Variants in MYO15A observed in about 807,000 individuals in gnomAD.
MYO15A encodes unconventional myosin-XV.
In MYO15A, 308 loss-of-function variants were observed where a neutral mutation model predicts 394.6. The observed-to-expected ratio is 0.78, with a 90% CI of 0.71 to 0.86. The LOEUF (loss-of-function observed/expected upper bound fraction) is 0.86, where lower values mean the gene tolerates loss of function less well. Ranked by LOEUF, MYO15A falls within the 40% of genes least tolerant of loss-of-function variation. MYO15A has a pLI of 0.00. For missense variants in MYO15A, 4,606 were observed against 4,799.1 expected, an observed-to-expected ratio of 0.96 and a Z score of 1.19; for synonymous variants, 1,957 against 2,003.8, an observed-to-expected ratio of 0.98 and a Z score of 0.62.
intron 50 of MYO15A, 198 bp from the exon 51 acceptor site, chr17:18,157,523 CT>C: frequency 8.5e-7 from 1 of 1,180,794 alleles, no homozygotes; most frequent in Non-Finnish European, 1.2e-6. Flanking sequence ...TTCACTTCCC[CT>C]TTATGGTCCT....
chr17:18,123,051 C>G (rs1190794199), intron 2 of MYO15A: 1 of 152,572 alleles, frequency 6.6e-6, no homozygotes, highest in African/African-American at 2.4e-5. Flanking sequence ...CGGATGGGTG[C>G]CCAGCCCATG....
At position 18,161,220 on chromosome 17, in the gene MYO15A, C is replaced by T. The variant is rs776245687; in HGVS notation, c.9387-97C>T. 5 of 1,509,398 alleles carry T rather than the reference C, an allele frequency of 3.3e-6. No homozygotes were observed. In the Admixed American group the frequency reaches 5.7e-5, roughly 17 times the overall value. 93.5% of individuals were successfully genotyped at this position (1,509,398 alleles called of 1,614,324 possible). ...GGCATCCTCAGGGGACAGGAGCTGCCTGAGAGTTGGAATCTGTCTCAGCTC... is the reference window on the plus strand; with the variant it reads ...GGCATCCTCAGGGGACAGGAGCTGCTTGAGAGTTGGAATCTGTCTCAGCTC... On this transcript the variant is annotated intron_variant, in intron 56 of 65. Transcript: ENST00000647165.
At chr17:18,126,320 A>G (rs755192002) in intron 4 of MYO15A, 27 bp from the exon 5 acceptor site, 1 of 1,600,094 alleles carries the variant, frequency 6.2e-7, no homozygotes, top group Admixed American at 1.7e-5. Context: ...AGGAGCCACG[A>G]CGCTGAGGCC....
In MYO15A at chr17:18,159,266, C is replaced by A. The variant is rs886052682; in HGVS notation, c.9157-9C>A. 6.2e-7 allele frequency: 1 copy of A among 1,614,036 alleles called. No individual in the cohort carries two copies. The highest frequency in any genetic ancestry group is 8.5e-7 in the Non-Finnish European group (1 of 1,179,900). ...TCCTCCATCATGACACAGCCCTCTT[C>A]CCCCACAGACTCCCCTCCAGGAATC... On this transcript the variant is annotated splice_polypyrimidine_tract_variant and intron_variant, in intron 53 of 65. Transcript: ENST00000647165.
chr17:18,126,932 G>C, intron 6 of MYO15A, 67 bp downstream of exon 6: 1 of 1,603,482 alleles, frequency 6.2e-7, no homozygotes, highest in Non-Finnish European at 8.5e-7. Context: ...CATCTGGCCA[G>C]AACTGCTGTG....
Position 18,155,389 on chromosome 17 carries a change from G to T in MYO15A, c.8416G>T (p.Gly2806Cys). Residue 2806 changes from glycine (G) to cysteine (C), a missense_variant, in exon 47 of 66, where the codon GGC becomes TGC. Around this residue, in one of 2 missense-constraint regions of MYO15A, gnomAD observed 2,776 missense variants for 3,109.3 expected, o/e 0.89. Coordinates refer to ENST00000647165, the MANE Select transcript of MYO15A (RefSeq NM_016239.4). ...GIKLLRMVKG[G>C]QEAGGQLRVL... ...CAAACTCCTGAGGATGGTCAAGGGTGGCCAGGAGGCCGGCGGGCAGCTGCG... is the reference window on the plus strand; with the variant it reads ...CAAACTCCTGAGGATGGTCAAGGGTTGCCAGGAGGCCGGCGGGCAGCTGCG... 6.2e-7 allele frequency: 1 copy of T among 1,613,664 alleles called. No homozygotes were observed. Among genetic ancestry groups the T allele is most frequent in the Non-Finnish European group, 8.5e-7 (1 of 1,180,022 alleles).
chr17:18,140,824 C>G lies in MYO15A; in HGVS notation c.5398C>G (p.His1800Asp). The change falls in exon 21 of 66, where the codon CAC becomes GAC. Residue 1800 changes from histidine to aspartate, a missense_variant. Around this residue, in one of 2 missense-constraint regions of MYO15A, gnomAD observed 2,776 missense variants for 3,109.3 expected, o/e 0.89. Coordinates refer to ENST00000647165, the MANE Select transcript of MYO15A (RefSeq NM_016239.4). ...GTTCATGCGTTGCCTGAAGCCCAAC[C>G]ACAAGAAGGTGAGTGAGAGCTGAGG... Reference protein sequence around the residue: ...PLFMRCLKPNHKKEPGLFEPD... With the variant: ...PLFMRCLKPNDKKEPGLFEPD... 6.2e-7 allele frequency: 1 copy of G among 1,614,128 alleles called. No individual in the cohort carries two copies. The highest frequency in any genetic ancestry group is 8.5e-7 in the Non-Finnish European group (1 of 1,180,044).
At chr17:18,131,559 G>A in intron 10 of MYO15A, 28 bp downstream of exon 10, 1 of 1,613,484 alleles carries the variant, frequency 6.2e-7, no homozygotes, top group Non-Finnish European at 8.5e-7. Context: ...AGGCCTCTGT[G>A]TTGGGCAGGG....
In MYO15A at chr17:18,153,606, G is replaced by A. The variant is rs977001131; in HGVS notation, c.7967-169G>A. On this transcript the variant is annotated intron_variant, in intron 42 of 65. Transcript: ENST00000647165. This position sits in a 1 kb window ranked among gnomAD's most constrained non-coding sequence, Gnocchi z 4.1. ...CCAGCTACTCAGGAGGCTGAGGCAG[G>A]AGAATCGCTTGAACCCAGGAGGCGG... is the stretch of plus-strand genomic sequence containing the variant. 3.6e-6 allele frequency: 2 copies of A among 549,424 alleles called. No homozygotes were observed. Among genetic ancestry groups the A allele is most frequent in the East Asian group, 1.3e-4 (2 of 15,098 alleles). The allele number at this position is 549,424 out of a possible 1,614,324, so 34.0% of individuals were successfully genotyped here.
At chr17:18,151,979 A>T (rs1233628819) in intron 41 of MYO15A, 28 bp downstream of exon 41, 1 of 1,549,152 alleles carries the variant, frequency 6.5e-7, no homozygotes, top group Non-Finnish European at 8.7e-7. Context: ...GGCTGAGCCC[A>T]GGTGGAACAG....
intron 53 of MYO15A, 37 bp from the exon 54 acceptor site, chr17:18,159,238 C>T (rs771649310): frequency 1.2e-6 from 2 of 1,609,566 alleles, no homozygotes. Flanking sequence ...TCTGACGTGT[C>T]CCTCCTCCAT....
chr17:18,143,228 A>G (rs2046413789), intron 25 of MYO15A, among the ~76,000 whole-genome samples: 1 of 152,238 alleles, frequency 6.6e-6, no homozygotes, highest in African/African-American at 2.4e-5. Context: ...ATGAAGCAGT[A>G]GGTAGCCTTT....
intron 64 of MYO15A, 163 bp from the exon 65 acceptor site, chr17:18,173,618 G>C (rs963565329): frequency 2.7e-5 from 23 of 857,696 alleles, no homozygotes; most frequent in Non-Finnish European, 4.5e-5. Context: ...GGTCCAGAGA[G>C]GTAAAGTGAT....
chr17:18,150,496 G>T lies in MYO15A; in HGVS notation c.7280G>T (p.Ser2427Ile). 1 of 1,614,204 alleles carries T rather than the reference G, an allele frequency of 6.2e-7. No homozygotes were observed. The highest frequency in any genetic ancestry group is 1.1e-5 in the South Asian group (1 of 91,090). ...KGGGQPGGGSSSGTEDTPRRP... is the reference protein window; with the variant it reads ...KGGGQPGGGSISGTEDTPRRP... ...GGAGGCCAGCCCGGTGGAGGCAGCA[G>T]TAGTGGTACTGAAGACACCCCCAGG... Residue 2427 changes from serine to isoleucine, a missense_variant, in exon 36 of 66, where the codon AGT (serine) becomes ATT (isoleucine). By Grantham distance (142) the Ser-to-Ile change is moderately radical (BLOSUM62 -2). Around this residue, in one of 2 missense-constraint regions of MYO15A, gnomAD observed 2,776 missense variants for 3,109.3 expected, o/e 0.89. Coordinates refer to ENST00000647165, the MANE Select transcript of MYO15A (RefSeq NM_016239.4). The surrounding 1 kb of genome is among the most constrained non-coding windows in gnomAD (Gnocchi z 4.4).
chr17:18,169,430 A>G (rs2046907568), intron 62 of MYO15A: 1 of 150,688 alleles, frequency 6.6e-6, no homozygotes, highest in Admixed American at 6.7e-5. Context: ...AGCCTGGGCA[A>G]GAAGAGCAAA....
At position 18,133,396 on chromosome 17, in the gene MYO15A, C is replaced by T. The variant is rs200857668; in HGVS notation, c.4482+10C>T. Reference sequence around the variant, plus strand: ...CTTTGAGAAGTATGAGGTGAGGGGACGCCACAGCCTGCCATGGGGCCCGCA... The same window carrying T: ...CTTTGAGAAGTATGAGGTGAGGGGATGCCACAGCCTGCCATGGGGCCCGCA... On this transcript the variant is annotated intron_variant, in intron 12 of 65. Coordinates refer to ENST00000647165, the MANE Select transcript of MYO15A (RefSeq NM_016239.4). 158 of 1,613,686 alleles carry T rather than the reference C, an allele frequency of 9.8e-5. No homozygotes were observed. The highest frequency in any genetic ancestry group is 4.0e-4 in the Admixed American group (24 of 59,982).
Position 18,121,287 on chromosome 17 carries a change from C to T in MYO15A, c.2487C>T (p.Ala829=). Residue 829 remains alanine, a synonymous_variant, in exon 2 of 66, where the codon GCC becomes GCT. Coordinates refer to ENST00000647165, the MANE Select transcript of MYO15A (RefSeq NM_016239.4). The surrounding 1 kb of genome is among the most constrained non-coding windows in gnomAD (Gnocchi z 5.3). The part of the protein sequence containing the change: ...SLQESPAPRR[A]AGRLGPPGSP... ...AGGAGTCCCCAGCCCCACGCCGAGC[C>T]GCTGGGCGCCTGGGCCCACCCGGCT... 7.4e-7 allele frequency: 1 copy of T among 1,352,336 alleles called. No individual in the cohort carries two copies. The highest frequency in any genetic ancestry group is 9.5e-7 in the Non-Finnish European group (1 of 1,057,224). The allele number at this position is 1,352,336 out of a possible 1,614,324, so 83.8% of individuals were successfully genotyped here.
intron 45 of MYO15A, 85 bp downstream of exon 45, chr17:18,154,840 C>T: frequency 1.4e-6 from 2 of 1,437,410 alleles, no homozygotes; most frequent in Admixed American, 3.5e-5. Context: ...CTGAGGCTGA[C>T]AAGCCCAGGC....
intron 51 of MYO15A, chr17:18,158,321 A>G: frequency 1.7e-6 from 1 of 590,806 alleles, no homozygotes; most frequent in Admixed American, 3.0e-5. Flanking sequence ...TGGGGCAGGG[A>G]GCCAGGTTAG....
Sources: allele counts gnomAD v4.1 joint callset (sites outside exome capture counted in the v4.1 genomes callset), GRCh38; gene constraint gnomAD v4.1.1; regional missense constraint gnomAD v4.1.1; non-coding constraint Gnocchi (gnomAD v3.1); transcripts MANE v1.5; gene names NCBI Gene and HGNC (gene_info 2026-07-23, HGNC 2026-07-21).